PAM16: variants seen among roughly 807,000 people sequenced by gnomAD.
PAM16 encodes mitochondrial import inner membrane translocase subunit TIM16.
Under a neutral mutation model 17.9 loss-of-function variants are expected in PAM16, and 11 were observed. That is an observed-to-expected ratio of 0.62 (90% CI 0.39 to 1.02). The LOEUF is 1.02. Ranked by LOEUF, PAM16 falls within the 50% of genes least tolerant of loss-of-function variation. The pLI is 0.01. For synonymous variants in PAM16, 72 were observed against 67.4 expected, an observed-to-expected ratio of 1.07 and a Z score of -0.34; for missense variants, 199 against 165.4, an observed-to-expected ratio of 1.20 and a Z score of -1.11.
chr16:4,344,511 GTTCTGTGAGAGAAGGGGA>G (rs1567231141), intron 1 of PAM16, among the ~76,000 whole-genome samples: 83 of 5,502 alleles, frequency 0.015, no homozygotes, highest in Admixed American at 0.022. Context: ...AGAGGAGGGG[GTTCTGTGAGAGAAGGGGA>G]CTGTGTGAGA....
chr16:4,347,331 G>C (rs988577696), intron 1 of PAM16: 1 of 152,084 alleles, frequency 6.6e-6, no homozygotes, highest in African/African-American at 2.4e-5. Context: ...GGAGAGATGG[G>C]GTTTCGCCAT....
intron 1 of PAM16, among the ~76,000 whole-genome samples, chr16:4,349,950 A>T (rs1872282224): frequency 6.6e-6 from 1 of 152,116 alleles, no homozygotes; most frequent in Non-Finnish European, 1.5e-5. Flanking sequence ...CTCTACATAA[A>T]GCCTTAGCTC....
At chr16:4,343,499 C>CG (rs1567230466) in intron 1 of PAM16, 1 of 1,427,876 alleles carries the variant, frequency 7.0e-7, no homozygotes, top group African/African-American at 1.4e-5. Flanking sequence ...GGCAGGCAGG[C>CG]GGGTGAACTT....
At position 4,340,387 on chromosome 16, in the gene PAM16, G is replaced by A. The variant is rs372596226; in HGVS notation, c.310C>T (p.Arg104Cys). 9.9e-6 allele frequency: 16 copies of A among 1,612,232 alleles called. No homozygotes were observed. Among genetic ancestry groups the A allele is most frequent in the African/African-American group, 9.3e-5 (7 of 74,942 alleles). ...LQSKVVRAKERLDEELKIQAQ... is the reference protein window; with the variant it reads ...LQSKVVRAKECLDEELKIQAQ... ...TGGATTTTGAGTTCCTCATCCAGGC[G>A]CTCCTTTGCGCGGACCACCTAGTGG... The change falls in exon 5 of 5, where the codon CGC becomes TGC. Residue 104 changes from arginine (R) to cysteine (C), a missense_variant. Coordinates refer to ENST00000318059, the MANE Select transcript of PAM16 (RefSeq NM_016069.11).
At chr16:4,344,995 G>C (rs898702175) in intron 1 of PAM16, among the ~76,000 whole-genome samples, 1 of 152,052 alleles carries the variant, frequency 6.6e-6, no homozygotes, top group African/African-American at 2.4e-5. Flanking sequence ...CCTGCGAGCA[G>C]CCAATAGCCT....
chr16:4,350,065 T>TA (rs1377244788), intron 1 of PAM16, among the ~76,000 whole-genome samples: 1 of 152,066 alleles, frequency 6.6e-6, no homozygotes, highest in Non-Finnish European at 1.5e-5. Context: ...TTGGGGAACT[T>TA]ACGTGTGCAG....
chr16:4,349,327 G>A (rs1050294859), intron 1 of PAM16, among the ~76,000 whole-genome samples: 7 of 152,156 alleles, frequency 4.6e-5, no homozygotes, highest in Non-Finnish European at 7.4e-5. Flanking sequence ...CAGCACTTTG[G>A]GAGTCCGAGG....
In PAM16 at chr16:4,351,296, G is replaced by C. The variant is rs772469447; in HGVS notation, c.-62C>G. 5.9e-6 allele frequency: 8 copies of C among 1,356,426 alleles called. No individual in the cohort carries two copies. In the Admixed American group the frequency reaches 1.5e-4, roughly 25 times the overall value. 84.0% of individuals were successfully genotyped at this position (1,356,426 alleles called of 1,614,324 possible). The stretch of plus-strand genomic sequence containing the variant: ...TCCTGGCCCCGCGGCCGGGGATCAA[G>C]CGTGGTCGGCGGGTCAGAGGTCAAG... On this transcript the variant is annotated 5_prime_UTR_variant, in exon 1 of 5. Transcript: ENST00000318059.
chr16:4,343,343 GA>G, intron 1 of PAM16, 52 bp from the exon 2 acceptor site: 1 of 1,556,594 alleles, frequency 6.4e-7, no homozygotes, highest in Non-Finnish European at 8.7e-7. Context: ...TGGGCCCACA[GA>G]GATGGGCCCT....
rs1156352824 is a variant in PAM16 at position 4,340,917 on chromosome 16, C to T, written c.291+3G>A. 4 of 1,613,356 alleles carry T rather than the reference C, an allele frequency of 2.5e-6. No homozygotes were observed. The Admixed American group carries it at 6.7e-5, about 27-fold the overall frequency. On this transcript the variant is annotated splice_donor_region_variant and intron_variant, in intron 4 of 4. Transcript: ENST00000318059. ...ATTCCTCCCAGAATCAAAGACCACT[C>T]ACCTTTGACTGCAGGTAGAAGGAGC...
At chr16:4,346,228 G>C (rs957935995) in intron 1 of PAM16, among the ~76,000 whole-genome samples, 3 of 152,230 alleles carry the variant, frequency 2.0e-5, no homozygotes, top group African/African-American at 7.2e-5. Context: ...ACGCAGTGTA[G>C]TGTAATGGTT....
At chr16:4,350,085 G>T (rs1157746241) in intron 1 of PAM16, among the ~76,000 whole-genome samples, 1 of 151,986 alleles carries the variant, frequency 6.6e-6, no homozygotes, top group East Asian at 1.9e-4. Flanking sequence ...GAACCTCCAG[G>T]GATAGAGCTC....
chr16:4,340,906 C>A lies in PAM16; in HGVS notation c.291+14G>T. 1 of 1,612,938 alleles carries A rather than the reference C, an allele frequency of 6.2e-7. No individual in the cohort carries two copies. Among genetic ancestry groups the A allele is most frequent in the Non-Finnish European group, 8.5e-7 (1 of 1,179,688 alleles). Reference sequence around the variant, plus strand: ...CCCATGACTTCATTCCTCCCAGAATCAAAGACCACTCACCTTTGACTGCAG... The same window carrying A: ...CCCATGACTTCATTCCTCCCAGAATAAAAGACCACTCACCTTTGACTGCAG... On this transcript the variant is annotated intron_variant, in intron 4 of 4. Transcript: ENST00000318059.
chr16:4,348,921 G>A (rs948511537), intron 1 of PAM16, among the ~76,000 whole-genome samples: 1 of 149,488 alleles, frequency 6.7e-6, no homozygotes, highest in Admixed American at 6.7e-5. Context: ...TGGGATTACA[G>A]GCGTGAGCCA....
intron 1 of PAM16, 149 bp from the exon 2 acceptor site, chr16:4,343,440 A>G: frequency 7.0e-7 from 1 of 1,436,098 alleles, no homozygotes; most frequent in Non-Finnish European, 9.2e-7. Context: ...CCTCCAAAGC[A>G]CCCTGAATGA....
At chr16:4,340,773 C>G in intron 4 of PAM16, 147 bp downstream of exon 4, 1 of 1,065,694 alleles carries the variant, frequency 9.4e-7, no homozygotes, top group East Asian at 2.4e-5. Context: ...GGGGGCCTCC[C>G]TGAGGCTGGG....
intron 1 of PAM16, among the ~76,000 whole-genome samples, chr16:4,345,104 G>A (rs1335310523): frequency 6.6e-6 from 1 of 152,060 alleles, no homozygotes; most frequent in East Asian, 1.9e-4. Flanking sequence ...CACATACAAA[G>A]GATCTTGTGA....
At chr16:4,350,592 C>A (rs999628220) in intron 1 of PAM16, among the ~76,000 whole-genome samples, 3 of 151,824 alleles carry the variant, frequency 2.0e-5, no homozygotes, top group Admixed American at 6.6e-5. Flanking sequence ...TGGTGGAGAC[C>A]GGGTTTCATC....
intron 2 of PAM16, chr16:4,341,705 A>C: frequency 2.3e-6 from 2 of 857,000 alleles, no homozygotes; most frequent in Non-Finnish European, 3.5e-6. Flanking sequence ...GCCTCACTGG[A>C]GGGTAAGGGC....
Sources: gnomAD v4.1 joint callset for allele counts (sites outside exome capture counted in the v4.1 genomes callset) on GRCh38, gnomAD v4.1.1 for gene constraint, MANE v1.5 for transcripts, NCBI Gene and HGNC (gene_info 2026-07-23, HGNC 2026-07-21) for gene names.